SLC30A7: variants seen among roughly 807,000 people sequenced by gnomAD.
SLC30A7 encodes the protein solute carrier family 30 member 7, also known as zinc transporter 7.
Under a neutral mutation model 46.0 loss-of-function variants are expected in SLC30A7, and 35 were observed. That is an observed-to-expected ratio of 0.76 (90% CI 0.58 to 1.01). SLC30A7 has a LOEUF of 1.01. Among genes scored for constraint, SLC30A7 ranks in the 50% least tolerant of loss-of-function variants. SLC30A7 has a pLI of 0.00. For missense variants in SLC30A7, 464 were observed against 451.1 expected, an observed-to-expected ratio of 1.03 and a Z score of -0.26; for synonymous variants, 147 against 157.8, an observed-to-expected ratio of 0.93 and a Z score of 0.51.
At chr1:100,910,311 TTAAC>T (rs1447127496) in intron 3 of SLC30A7, among the ~76,000 whole-genome samples, 1 of 152,084 alleles carries the variant, frequency 6.6e-6, no homozygotes, top group Non-Finnish European at 1.5e-5. Flanking sequence ...TCTGATGACT[TTAAC>T]TAAGCCAAAT....
chr1:100,927,000 A>G (rs1653345892), intron 8 of SLC30A7, among the ~76,000 whole-genome samples: 1 of 152,192 alleles, frequency 6.6e-6, no homozygotes, highest in African/African-American at 2.4e-5. Flanking sequence ...TGGTGAGGGA[A>G]CTTCAAGTAT....
intron 8 of SLC30A7, among the ~76,000 whole-genome samples, chr1:100,935,557 C>G (rs2101050485): frequency 6.6e-6 from 1 of 152,254 alleles, no homozygotes; most frequent in South Asian, 2.1e-4. Flanking sequence ...TAATCACTAT[C>G]AAATGTGATT....
rs1015651861 is a variant in SLC30A7, at chr1:100,923,207, G to A, written c.842+1366G>A. On this transcript the variant is annotated intron_variant, in intron 8 of 10. Coordinates refer to ENST00000357650, the MANE Select transcript of SLC30A7 (RefSeq NM_133496.5). ...AATTTTTTGTATTTTTAGTAGAGAC[G>A]GGGTTTCACCGTGTTAGCCAGGATG... is the stretch of plus-strand genomic sequence containing the variant. 1.5e-4 allele frequency among the ~76,000 whole-genome samples: 17 copies of A among 116,052 alleles called. 3 individuals are homozygous for A. The highest frequency in any genetic ancestry group is 3.8e-3 in the Middle Eastern group (1 of 260). The allele number at this position is 116,052 out of a possible 152,430, so 76.1% of individuals were successfully genotyped here.
chr1:100,972,362 C>CT (rs371101402), intron 10 of SLC30A7: 2,439 of 222,056 alleles, frequency 0.011, 5 homozygotes, highest in South Asian at 0.023. Flanking sequence ...ACTTTTTTTT[C>CT]TTTTTTTTTT....
rs368796561 is a variant in SLC30A7, at chr1:100,961,144, G to C, written c.843-684G>C. Among the ~76,000 whole-genome samples the C allele has an allele frequency of 5.7e-3, 851 of 150,576 alleles. 4 individuals are homozygous for C. Among genetic ancestry groups the C allele is most frequent in the African/African-American group, 0.02 (827 of 40,914 alleles). On this transcript the variant is annotated intron_variant, in intron 8 of 10. Coordinates refer to ENST00000357650, the MANE Select transcript of SLC30A7 (RefSeq NM_133496.5). ...TGATTTTTTTTTTTTTGTATTTTTAGTGGAGACGGGGTTTCACCGTGTTAG... is the reference window on the plus strand; with the variant it reads ...TGATTTTTTTTTTTTTGTATTTTTACTGGAGACGGGGTTTCACCGTGTTAG...
downstream of SLC30A7, among the ~76,000 whole-genome samples, chr1:100,984,524 G>GT (rs1657161330): frequency 1.3e-5 from 2 of 152,252 alleles, no homozygotes; most frequent in East Asian, 1.9e-4. Context: ...AGACGACTTC[G>GT]TAAGTCCCAA....
chr1:100,914,003 C>T (rs1652305821), intron 6 of SLC30A7, among the ~76,000 whole-genome samples, 197 bp downstream of exon 6: 2 of 152,068 alleles, frequency 1.3e-5, no homozygotes, highest in Non-Finnish European at 2.9e-5. Flanking sequence ...TGGATGTTCG[C>T]TTTTTTCCAG....
chr1:100,913,038 C>CT (rs1454511107), intron 5 of SLC30A7, among the ~76,000 whole-genome samples: 2 of 151,954 alleles, frequency 1.3e-5, no homozygotes, highest in East Asian at 3.9e-4. Context: ...AGCATCCACT[C>CT]TTTTTCTGTC....
At chr1:100,973,345 G>A (rs1178634120) in intron 10 of SLC30A7, among the ~76,000 whole-genome samples, 11 of 152,024 alleles carry the variant, frequency 7.2e-5, no homozygotes, top group Admixed American at 7.2e-4. Context: ...CTTTTATTCT[G>A]TGGTACTGAG....
At chr1:100,958,300 C>G (rs1418871273) in intron 8 of SLC30A7, among the ~76,000 whole-genome samples, 5 of 152,146 alleles carry the variant, frequency 3.3e-5, no homozygotes. Context: ...CCTCAGCCTC[C>G]TGAGTAGCTG....
At chr1:100,896,747 A>T in intron 2 of SLC30A7, 76 bp downstream of exon 2, 1 of 1,247,680 alleles carries the variant, frequency 8.0e-7, no homozygotes, top group Admixed American at 1.9e-5. Flanking sequence ...AATGCCACGT[A>T]GCTCCTCACT....
At chr1:100,913,954 A>T (rs142099354) in intron 6 of SLC30A7, 148 bp downstream of exon 6, 7 of 1,159,176 alleles carry the variant, frequency 6.0e-6, no homozygotes, top group Non-Finnish European at 8.2e-6. Flanking sequence ...GGGCTAGTTT[A>T]TTTTTTGTAT....
intron 8 of SLC30A7, among the ~76,000 whole-genome samples, chr1:100,936,803 T>C (rs536503389): frequency 1.2e-4 from 19 of 152,326 alleles, no homozygotes; most frequent in Middle Eastern, 3.4e-3. Flanking sequence ...CTCTATGAAG[T>C]TGTGAAATAT....
chr1:100,957,867 C>A (rs1291964409), intron 8 of SLC30A7, among the ~76,000 whole-genome samples: 2 of 150,106 alleles, frequency 1.3e-5, no homozygotes, highest in Non-Finnish European at 3.0e-5. Context: ...CTTTTTTTTT[C>A]CTGAGAAATG....
At chr1:100,899,761 G>A (rs1651185264) in intron 2 of SLC30A7, among the ~76,000 whole-genome samples, 1 of 151,568 alleles carries the variant, frequency 6.6e-6, no homozygotes, top group Non-Finnish European at 1.5e-5. Flanking sequence ...TAGTGTTTCA[G>A]TCATCCCTGG....
At chr1:100,964,795 T>C (rs1279654715) in intron 9 of SLC30A7, among the ~76,000 whole-genome samples, 1 of 152,142 alleles carries the variant, frequency 6.6e-6, no homozygotes, top group Non-Finnish European at 1.5e-5. Flanking sequence ...GAGGATGCCA[T>C]GTAGAAAGAG....
At chr1:100,898,661 C>G (rs532638238) in intron 2 of SLC30A7, among the ~76,000 whole-genome samples, 1 of 152,258 alleles carries the variant, frequency 6.6e-6, no homozygotes, top group African/African-American at 2.4e-5. Flanking sequence ...TTAGGCATTT[C>G]TCTGGCCTTT....
At position 100,978,383 on chromosome 1, in the gene SLC30A7, A is replaced by G. The variant is rs182955310; in HGVS notation, c.*3526A>G. ...TATGGAATAATCAGTTTTTACAGAG[A>G]TTATTAATATGGTAGAACCCTGTTA... On this transcript the variant is annotated 3_prime_UTR_variant, in exon 11 of 11. Transcript: ENST00000357650. The G allele has an allele frequency of 7.9e-5, 12 of 152,308 alleles. No homozygotes were observed. The highest frequency in any genetic ancestry group is 5.2e-4 in the Admixed American group (8 of 15,304). The allele number at this position is 152,308 out of a possible 1,614,324, so 9.4% of individuals were successfully genotyped here.
intron 8 of SLC30A7, among the ~76,000 whole-genome samples, chr1:100,947,857 C>G (rs997388958): frequency 6.6e-6 from 1 of 152,138 alleles, no homozygotes; most frequent in Non-Finnish European, 1.5e-5. Flanking sequence ...TTATCAGAGA[C>G]TAGGATTGCA....
Sources: allele counts gnomAD v4.1 joint callset (sites outside exome capture counted in the v4.1 genomes callset), GRCh38; gene constraint gnomAD v4.1.1; transcripts MANE v1.5; gene names NCBI Gene and HGNC (gene_info 2026-07-23, HGNC 2026-07-21).